VEPH1: variants seen among roughly 807,000 people sequenced by gnomAD.
The protein encoded by VEPH1 is ventricular zone expressed PH domain containing 1.
Under a neutral mutation model 85.2 loss-of-function variants are expected in VEPH1, and 80 were observed. That is an observed-to-expected ratio of 0.94 (90% confidence interval 0.78 to 1.13). The LOEUF (loss-of-function observed/expected upper bound fraction) is 1.13, where lower values mean the gene tolerates loss of function less well. VEPH1 is among the 50% of genes most tolerant of loss of function. The pLI is 0.00. For synonymous variants in VEPH1, 297 were observed against 348.0 expected (o/e 0.85, Z 1.63); for missense variants, 955 against 980.5 (o/e 0.97, Z 0.35).
chr3:157,469,925 G>A (rs1460977388), intron 3 of VEPH1, among the ~76,000 whole-genome samples: 1 of 152,260 alleles, frequency 6.6e-6, no homozygotes, highest in African/African-American at 2.4e-5. Flanking sequence ...GCTAGGTCCC[G>A]AGCGCACTGC....
At chr3:157,498,373 T>G (rs1739844613) in intron 1 of VEPH1, among the ~76,000 whole-genome samples, 1 of 152,212 alleles carries the variant, frequency 6.6e-6, no homozygotes, top group African/African-American at 2.4e-5. Flanking sequence ...AACGAGCCCT[T>G]TATAAAATAA....
At chr3:157,443,638 T>C (rs1474875530) in intron 4 of VEPH1, 1 of 152,436 alleles carries the variant, frequency 6.6e-6, no homozygotes, top group Non-Finnish European at 1.5e-5. Context: ...AGCAAACTCG[T>C]ACTTTTCTCT....
At chr3:157,347,833 G>T (rs1724403472) in intron 9 of VEPH1, among the ~76,000 whole-genome samples, 1 of 152,318 alleles carries the variant, frequency 6.6e-6, no homozygotes, top group African/African-American at 2.4e-5. Flanking sequence ...CCAGTTTGTA[G>T]AACTGCCAGG....
chr3:157,383,704 C>T (rs993044237), intron 6 of VEPH1, among the ~76,000 whole-genome samples: 10 of 152,148 alleles, frequency 6.6e-5, no homozygotes, highest in Non-Finnish European at 1.3e-4. Flanking sequence ...GAGACAGAGG[C>T]TTGTGCTTTC....
At chr3:157,360,680 G>A (rs1194259843) in intron 9 of VEPH1, among the ~76,000 whole-genome samples, 1 of 152,066 alleles carries the variant, frequency 6.6e-6, no homozygotes, top group African/African-American at 2.4e-5. Flanking sequence ...TTTGTCTACA[G>A]TTGGGCAAAA....
Position 157,414,105 on chromosome 3 carries a change from G to A in VEPH1, c.697-15C>T. On this transcript the variant is annotated splice_polypyrimidine_tract_variant and intron_variant, in intron 5 of 13. Coordinates refer to ENST00000362010, the MANE Select transcript of VEPH1 (RefSeq NM_001167912.2). ...TTCTGAACTACCTATAAAGAGAGAGGAGAGGAGGAGGGAAGAAAGAAGGAA... is the reference window on the plus strand; with the variant it reads ...TTCTGAACTACCTATAAAGAGAGAGAAGAGGAGGAGGGAAGAAAGAAGGAA... 6.4e-7 allele frequency: 1 copy of A among 1,553,512 alleles called. No homozygotes were observed. The highest frequency in any genetic ancestry group is 8.8e-7 in the Non-Finnish European group (1 of 1,132,198).
At chr3:157,407,630 G>A (rs1731242079) in intron 6 of VEPH1, among the ~76,000 whole-genome samples, 1 of 152,072 alleles carries the variant, frequency 6.6e-6, no homozygotes, top group Admixed American at 6.6e-5. Flanking sequence ...TCCCACATAT[G>A]CCTACCCATT....
intron 9 of VEPH1, chr3:157,363,161 G>A (rs1245001607): frequency 4.4e-6 from 2 of 455,828 alleles, no homozygotes; most frequent in Non-Finnish European, 7.4e-6. Flanking sequence ...GTGCACCCAA[G>A]TAGATTCAAA....
chr3:157,355,173 G>C (rs1725291403), intron 9 of VEPH1, among the ~76,000 whole-genome samples: 1 of 152,196 alleles, frequency 6.6e-6, no homozygotes, highest in South Asian at 2.1e-4. Context: ...GGTTCTGACA[G>C]AACCGTGTTC....
chr3:157,421,039 C>T (rs1282784728), intron 5 of VEPH1, among the ~76,000 whole-genome samples: 1 of 152,104 alleles, frequency 6.6e-6, no homozygotes, highest in Non-Finnish European at 1.5e-5. Context: ...TCTGGAGGTA[C>T]CAGTTATAAA....
At chr3:157,386,379 T>C (rs1050733519) in intron 6 of VEPH1, among the ~76,000 whole-genome samples, 9 of 151,116 alleles carry the variant, frequency 6.0e-5, no homozygotes, top group African/African-American at 2.2e-4. Context: ...AGCCAATGAA[T>C]CCTTCCCATT....
intron 9 of VEPH1, among the ~76,000 whole-genome samples, chr3:157,325,206 T>C (rs1254846876): frequency 6.6e-6 from 1 of 152,026 alleles, no homozygotes; most frequent in Non-Finnish European, 1.5e-5. Context: ...TTCTTGTAAA[T>C]TTGTTTAAGT....
At chr3:157,326,896 G>A (rs1577348019) in intron 9 of VEPH1, among the ~76,000 whole-genome samples, 1 of 152,184 alleles carries the variant, frequency 6.6e-6, no homozygotes, top group Admixed American at 6.5e-5. Context: ...GAATCTCTGA[G>A]GTTCAGCTTT....
chr3:157,453,337 G>A (rs80340431), intron 4 of VEPH1, among the ~76,000 whole-genome samples: 226 of 152,126 alleles, frequency 1.5e-3, no homozygotes, highest in African/African-American at 5.1e-3. Flanking sequence ...TCATCAAGTC[G>A]TTTACATCTG....
chr3:157,269,256 C>A (rs190474247), intron 12 of VEPH1, among the ~76,000 whole-genome samples: 1 of 152,208 alleles, frequency 6.6e-6, no homozygotes, highest in Admixed American at 6.5e-5. Context: ...TTGTTGGAGT[C>A]CTTAAAGACA....
intron 7 of VEPH1, among the ~76,000 whole-genome samples, chr3:157,368,972 T>C (rs1342810786): frequency 6.6e-6 from 1 of 151,804 alleles, no homozygotes; most frequent in Non-Finnish European, 1.5e-5. Flanking sequence ...GATAAATCCC[T>C]GCTGCACTGT....
intron 9 of VEPH1, among the ~76,000 whole-genome samples, chr3:157,353,667 G>A (rs1725125154): frequency 2.0e-5 from 3 of 152,004 alleles, no homozygotes; most frequent in Admixed American, 1.3e-4. Context: ...ACACATATAT[G>A]TAAATCCTTT....
chr3:157,442,305 G>T (rs943536088), intron 4 of VEPH1: 20 of 1,370,020 alleles, frequency 1.5e-5, no homozygotes, highest in Non-Finnish European at 2.0e-5. Context: ...ACTAATGCCA[G>T]AATAATTCTG....
At chr3:157,353,379 T>C (rs1199676143) in intron 9 of VEPH1, among the ~76,000 whole-genome samples, 1 of 152,140 alleles carries the variant, frequency 6.6e-6, no homozygotes, top group Non-Finnish European at 1.5e-5. Context: ...GTGATTCTCC[T>C]ATCTCAGCCT....
Sources: allele counts gnomAD v4.1 joint callset (sites outside exome capture counted in the v4.1 genomes callset), GRCh38; gene constraint gnomAD v4.1.1; transcripts MANE v1.5; gene names NCBI Gene and HGNC (gene_info 2026-07-23, HGNC 2026-07-21).